Variants in PDCD11 observed in about 807,000 individuals in gnomAD.
PDCD11 encodes the protein programmed cell death 11.
PDCD11 carries 97 observed loss-of-function variants against 198.9 expected under a neutral mutation model. The observed-to-expected ratio is 0.49, with a 90% confidence interval of 0.41 to 0.58. The LOEUF (loss-of-function observed/expected upper bound fraction) is 0.58. Among genes scored for constraint, PDCD11 ranks in the 20% least tolerant of loss-of-function variants. The probability of loss-of-function intolerance (pLI) is 0.00; values close to 1 mark genes in which losing one functional copy is unlikely to be tolerated. For synonymous variants in PDCD11, 893 were observed against 918.0 expected, an observed-to-expected ratio of 0.97 and a Z score of 0.49; for missense variants, 2,102 against 2,312.7, an observed-to-expected ratio of 0.91 and a Z score of 1.87.
In PDCD11 at chr10:103,434,003, G is replaced by A. The variant is rs1225284542; in HGVS notation, c.3530G>A (p.Arg1177Lys). 1 of 1,613,956 alleles carries A rather than the reference G, an allele frequency of 6.2e-7. No homozygotes were observed. Among genetic ancestry groups the A allele is most frequent in the African/African-American group, 1.3e-5 (1 of 74,930 alleles). ...GAGATTGCCCCAGACATCCGGGGGA[G>A]AATTCCCTTATTGCTCACTTCTCTG... is the stretch of plus-strand genomic sequence containing the variant. ...EVEIAPDIRG[R>K]IPLLLTSLSF... The change falls in exon 23 of 36, where the codon AGA becomes AAA. Residue 1177 changes from arginine to lysine, a missense_variant. Arg to Lys is a conservative substitution (Grantham distance 26). Coordinates refer to ENST00000369797, the MANE Select transcript of PDCD11 (RefSeq NM_014976.2).
At chr10:103,407,248 A>G (rs900984036) in intron 7 of PDCD11, among the ~76,000 whole-genome samples, 1 of 152,084 alleles carries the variant, frequency 6.6e-6, no homozygotes, top group Non-Finnish European at 1.5e-5. Flanking sequence ...TTGAGTTTTA[A>G]CTTTTTATCA....
At chr10:103,410,942 G>A (rs758518025) in intron 8 of PDCD11, among the ~76,000 whole-genome samples, 1 of 152,020 alleles carries the variant, frequency 6.6e-6, no homozygotes, top group African/African-American at 2.4e-5. Context: ...AGACCTGGTG[G>A]TGCGTGCCTG....
intron 8 of PDCD11, 39 bp from the exon 9 acceptor site, chr10:103,413,077 G>A (rs1180559955): frequency 4.5e-6 from 7 of 1,558,638 alleles, no homozygotes; most frequent in South Asian, 1.1e-5. Context: ...GTGCTCCTGT[G>A]TGCCTCCTCC....
intron 18 of PDCD11, 35 bp from the exon 19 acceptor site, chr10:103,423,508 C>T: frequency 6.7e-7 from 1 of 1,482,312 alleles, no homozygotes; most frequent in Non-Finnish European, 9.4e-7. Context: ...CACTCTGTTC[C>T]AGAAGGATAA....
chr10:103,434,549 AC>A (rs2032070325), intron 24 of PDCD11, 199 bp downstream of exon 24: 1 of 598,354 alleles, frequency 1.7e-6, no homozygotes, highest in Admixed American at 3.0e-5. Flanking sequence ...AGTTACCTTT[AC>A]CTATACAGGT....
chr10:103,432,296 G>A (rs1592136542), intron 22 of PDCD11, 62 bp downstream of exon 22: 8 of 1,202,828 alleles, frequency 6.7e-6, no homozygotes, highest in East Asian at 2.3e-5. Context: ...AGGTCATGAC[G>A]TTGGAGAGAA....
chr10:103,427,428 A>C (rs1359288846), intron 21 of PDCD11, 37 bp downstream of exon 21: 1 of 1,495,796 alleles, frequency 6.7e-7, no homozygotes, highest in African/African-American at 1.4e-5. Context: ...TTACGGAAAG[A>C]GCACTGGGCT....
chr10:103,425,155 A>G lies in PDCD11; in HGVS notation c.2935A>G (p.Thr979Ala). Residue 979 changes from threonine to alanine, a missense_variant, in exon 20 of 36, where the codon ACC becomes GCC. Thr to Ala is a moderately conservative substitution (Grantham distance 58). Transcript: ENST00000369797. ...KLQVGQGVSL[T>A]LKTTEPGVTG... ...GCAGGTGGGACAGGGTGTCTCCCTA[A>G]CCCTCAAGACCACAGAACCAGGAGT... is the stretch of plus-strand genomic sequence containing the variant. 1 of 1,614,064 alleles carries G rather than the reference A, an allele frequency of 6.2e-7. No individual in the cohort carries two copies. Among genetic ancestry groups the G allele is most frequent in the South Asian group, 1.1e-5 (1 of 91,068 alleles).
At chr10:103,416,029 A>G (rs1361095720) in intron 12 of PDCD11, among the ~76,000 whole-genome samples, 3 of 152,216 alleles carry the variant, frequency 2.0e-5, no homozygotes, top group Non-Finnish European at 4.4e-5. Flanking sequence ...GGTTAAAAAT[A>G]CTTTTTCTGT....
In PDCD11 at chr10:103,425,146, G is replaced by A. The variant is rs768318312; in HGVS notation, c.2926G>A (p.Val976Ile). ...AGAGAAATTGCAGGTGGGACAGGGT[G>A]TCTCCCTAACCCTCAAGACCACAGA... ...DSEKLQVGQG[V>I]SLTLKTTEPG... The change falls in exon 20 of 36, where the codon GTC (valine) becomes ATC (isoleucine). Residue 976 changes from valine to isoleucine, a missense_variant. Val to Ile is a conservative substitution (Grantham distance 29). Coordinates refer to ENST00000369797, the MANE Select transcript of PDCD11 (RefSeq NM_014976.2). The A allele has an allele frequency of 6.2e-7, 1 of 1,614,180 alleles. No individual in the cohort carries two copies. Among genetic ancestry groups the A allele is most frequent in the Non-Finnish European group, 8.5e-7 (1 of 1,180,034 alleles).
chr10:103,430,236 G>C (rs1197733378), intron 21 of PDCD11, among the ~76,000 whole-genome samples: 2 of 152,148 alleles, frequency 1.3e-5, no homozygotes, highest in Non-Finnish European at 2.9e-5. Flanking sequence ...CAGGCAATCT[G>C]CCTGCCTCGG....
At chr10:103,400,955 A>G (rs1459036009) in intron 3 of PDCD11, among the ~76,000 whole-genome samples, 6 of 151,882 alleles carry the variant, frequency 4.0e-5, no homozygotes, top group South Asian at 2.1e-4. Flanking sequence ...GGATCTTGCT[A>G]TTTTGCCCAG....
rs1365917093 is a variant in PDCD11 at position 103,400,435 on chromosome 10, C to G, written c.141C>G (p.Ser47Arg). ...TEEGSTKRKK[S>R]QKGPAKTKKL... Reference sequence around the variant, plus strand: ...AGGGATCCACCAAAAGAAAAAAGAGCCAGAAGGGGCCAGCAAAAACAAAAA... The same window carrying G: ...AGGGATCCACCAAAAGAAAAAAGAGGCAGAAGGGGCCAGCAAAAACAAAAA... Residue 47 changes from serine to arginine, a missense_variant, in exon 3 of 36, where the codon AGC (serine) becomes AGG (arginine). By Grantham distance (110) the Ser-to-Arg change is moderately radical. Coordinates refer to ENST00000369797, the MANE Select transcript of PDCD11 (RefSeq NM_014976.2). The G allele has an allele frequency of 6.2e-7, 1 of 1,613,334 alleles. No homozygotes were observed. Among genetic ancestry groups the G allele is most frequent in the Non-Finnish European group, 8.5e-7 (1 of 1,179,780 alleles).
rs143885184 is a variant in PDCD11 at position 103,421,530 on chromosome 10, G to C, written c.2460G>C (p.Glu820Asp). The C allele has an allele frequency of 1.3e-6, 2 of 1,574,618 alleles. No homozygotes were observed. Among genetic ancestry groups the C allele is most frequent in the African/African-American group, 2.7e-5 (2 of 74,382 alleles). The change falls in exon 17 of 36, where the codon GAG becomes GAC. Residue 820 changes from glutamate to aspartate, a missense_variant. Coordinates refer to ENST00000369797, the MANE Select transcript of PDCD11 (RefSeq NM_014976.2). ...TCCTCCTCCTGAATCAGTGCCTGGAGGAGCTGCAGGGCGTGCGCAGCCTTA... is the reference window on the plus strand; with the variant it reads ...TCCTCCTCCTGAATCAGTGCCTGGACGAGCTGCAGGGCGTGCGCAGCCTTA... ...TSLLLLNQCLEELQGVRSLMS... is the reference protein window; with the variant it reads ...TSLLLLNQCLDELQGVRSLMS...
At chr10:103,437,404 A>G (rs546159321) in intron 25 of PDCD11, among the ~76,000 whole-genome samples, 40 of 152,228 alleles carry the variant, frequency 2.6e-4, no homozygotes, top group African/African-American at 9.4e-4. Flanking sequence ...TCGGCCTCCC[A>G]AAGTGTTGAG....
intron 3 of PDCD11, among the ~76,000 whole-genome samples, chr10:103,402,053 A>AT (rs1160720184): frequency 6.6e-6 from 1 of 152,100 alleles, no homozygotes; most frequent in South Asian, 2.1e-4. Flanking sequence ...AAAACTAAAA[A>AT]TTTTTTTACA....
chr10:103,433,545 T>A (rs561071135), intron 22 of PDCD11, among the ~76,000 whole-genome samples: 12 of 152,242 alleles, frequency 7.9e-5, no homozygotes, highest in African/African-American at 2.9e-4. Flanking sequence ...AGACACTGCA[T>A]AAACAGTGAA....
At chr10:103,402,975 C>T in intron 3 of PDCD11, 143 bp from the exon 4 acceptor site, 2 of 745,928 alleles carry the variant, frequency 2.7e-6, no homozygotes, top group Non-Finnish European at 4.4e-6. Context: ...CCTGCCTTGG[C>T]CACCCAAAGT....
At chr10:103,408,509 CTG>C (rs1369348849) in intron 7 of PDCD11, among the ~76,000 whole-genome samples, 3 of 151,742 alleles carry the variant, frequency 2.0e-5, no homozygotes, top group African/African-American at 4.8e-5. Flanking sequence ...GGATTGTTGA[CTG>C]TTTTTTTAAT....
Sources: allele counts gnomAD v4.1 joint callset (sites outside exome capture counted in the v4.1 genomes callset), GRCh38; gene constraint gnomAD v4.1.1; transcripts MANE v1.5; gene names NCBI Gene and HGNC (gene_info 2026-07-23, HGNC 2026-07-21).